ASAP1: variants seen among roughly 807,000 people sequenced by gnomAD.
ASAP1 encodes the protein ArfGAP with SH3 domain, ankyrin repeat and PH domain 1.
A neutral mutation model predicts 145.2 loss-of-function variants in ASAP1; 43 were observed. The observed-to-expected ratio is 0.30, with a 90% CI of 0.23 to 0.38. The LOEUF (loss-of-function observed/expected upper bound fraction) is 0.38, where lower values mean the gene tolerates loss of function less well. ASAP1 is among the 10% of genes least tolerant of loss of function. ASAP1 has a pLI of 1.00. For synonymous variants in ASAP1, 546 were observed against 515.5 expected (o/e 1.06, Z -0.80); for missense variants, 1,018 against 1,355.3 (o/e 0.75, Z 3.91).
intron 5 of ASAP1, among the ~76,000 whole-genome samples, chr8:130,197,668 T>C (rs1186418897): frequency 6.6e-6 from 1 of 152,210 alleles, no homozygotes; most frequent in Non-Finnish European, 1.5e-5. Context: ...CTGATAGCAG[T>C]AACTTAAGCA....
intron 25 of ASAP1, among the ~76,000 whole-genome samples, chr8:130,084,990 G>A (rs747884877): frequency 1.3e-5 from 2 of 152,174 alleles, no homozygotes; most frequent in Non-Finnish European, 2.9e-5. Context: ...CAAAGATGAG[G>A]AATGTAAGTG....
chr8:130,335,619 A>G (rs1221985573), intron 3 of ASAP1, among the ~76,000 whole-genome samples: 1 of 152,210 alleles, frequency 6.6e-6, no homozygotes, highest in African/African-American at 2.4e-5. Flanking sequence ...AAAGAGATGG[A>G]AAAAAAGAGT....
chr8:130,350,871 T>C (rs1243752697), intron 3 of ASAP1, among the ~76,000 whole-genome samples: 1 of 152,182 alleles, frequency 6.6e-6, no homozygotes, highest in Non-Finnish European at 1.5e-5. Context: ...CTGAGAGTAG[T>C]GGTTCTTTAG....
intron 24 of ASAP1, among the ~76,000 whole-genome samples, chr8:130,109,877 C>G (rs1341418967): frequency 2.0e-5 from 3 of 152,184 alleles, no homozygotes; most frequent in African/African-American, 4.8e-5. Flanking sequence ...CAGGCCAAAT[C>G]TCTGAATTTG....
chr8:130,118,624 T>C lies in ASAP1; in HGVS notation c.1659A>G (p.Ser553=), dbSNP rs1309548523. Residue 553 remains serine, a synonymous_variant, in exon 19 of 30, where the codon TCA becomes TCG. Coordinates refer to ENST00000518721, the MANE Select transcript of ASAP1 (RefSeq NM_018482.4). ...CTGATGAAGTTGAACAGGTCTTCCT[T>C]GAAAACCTATGATCTACATACTTTG... The part of the protein sequence containing the change: ...ITAKYVDHRF[S]RKTCSTSSAK... 3.7e-6 allele frequency: 6 copies of C among 1,613,916 alleles called. No individual in the cohort carries two copies. In the East Asian group the frequency reaches 1.3e-4, roughly 36 times the overall value.
At chr8:130,255,452 T>G (rs1819452102) in intron 3 of ASAP1, among the ~76,000 whole-genome samples, 1 of 152,216 alleles carries the variant, frequency 6.6e-6, no homozygotes, top group South Asian at 2.1e-4. Context: ...GCAAATAACC[T>G]TTGCATATTT....
intron 3 of ASAP1, among the ~76,000 whole-genome samples, chr8:130,256,753 A>ATATATATATATATATATATCCT (rs1586696608): frequency 3.0e-5 from 2 of 67,020 alleles, no homozygotes; most frequent in East Asian, 3.6e-4. Flanking sequence ...ATATATATAT[A>ATATATATATATATATATATCCT]TATATATATA....
chr8:130,223,135 CA>C (rs1817392772), intron 4 of ASAP1, among the ~76,000 whole-genome samples: 2 of 152,122 alleles, frequency 1.3e-5, no homozygotes, highest in Non-Finnish European at 2.9e-5. Context: ...TATAAAACCA[CA>C]AAGGATTATT....
At chr8:130,420,469 G>C (rs995598088) in intron 1 of ASAP1, among the ~76,000 whole-genome samples, 3 of 152,086 alleles carry the variant, frequency 2.0e-5, no homozygotes, top group African/African-American at 4.8e-5. Flanking sequence ...ACTTGTAAAT[G>C]AATGTTCATA....
chr8:130,254,080 T>C (rs2136895300), intron 3 of ASAP1, among the ~76,000 whole-genome samples: 1 of 152,282 alleles, frequency 6.6e-6, no homozygotes, highest in South Asian at 2.1e-4. Context: ...TAATTCAACA[T>C]GTATTTACTG....
At chr8:130,239,205 A>C (rs552604653) in intron 3 of ASAP1, among the ~76,000 whole-genome samples, 1 of 152,182 alleles carries the variant, frequency 6.6e-6, no homozygotes, top group South Asian at 2.1e-4. Context: ...GAGACATTTC[A>C]GGGAAGAGAT....
intron 1 of ASAP1, among the ~76,000 whole-genome samples, chr8:130,424,422 C>T (rs994101996): frequency 1.3e-5 from 2 of 152,228 alleles, no homozygotes; most frequent in African/African-American, 2.4e-5. Flanking sequence ...TTCCCAAGAG[C>T]CCTTCAGCAC....
intron 13 of ASAP1, among the ~76,000 whole-genome samples, chr8:130,144,334 T>A (rs1345224092): frequency 6.6e-6 from 1 of 152,226 alleles, no homozygotes; most frequent in Admixed American, 6.5e-5. Context: ...AGATACATTA[T>A]ATGAATTCTA....
chr8:130,185,763 A>G (rs1346152824), intron 7 of ASAP1, among the ~76,000 whole-genome samples: 2 of 151,544 alleles, frequency 1.3e-5, no homozygotes, highest in Non-Finnish European at 1.5e-5. Flanking sequence ...AAGAAAAAGA[A>G]AAAAAAAGAA....
chr8:130,433,511 G>C (rs1262664964), intron 1 of ASAP1, among the ~76,000 whole-genome samples: 1 of 152,208 alleles, frequency 6.6e-6, no homozygotes, highest in African/African-American at 2.4e-5. Flanking sequence ...ATGCTGTTGA[G>C]TGACACTGGT....
chr8:130,334,920 C>A (rs1824937653), intron 3 of ASAP1, among the ~76,000 whole-genome samples: 1 of 152,218 alleles, frequency 6.6e-6, no homozygotes, highest in South Asian at 2.1e-4. Context: ...TATCCAAATA[C>A]ATATCAGACC....
intron 9 of ASAP1, among the ~76,000 whole-genome samples, chr8:130,171,055 C>T (rs1262004084): frequency 6.6e-6 from 1 of 152,174 alleles, no homozygotes; most frequent in African/African-American, 2.4e-5. Context: ...TCGGCACTGC[C>T]TATAGCGATG....
chr8:130,373,103 AATACAT>A (rs1308131533), intron 2 of ASAP1, among the ~76,000 whole-genome samples: 19 of 73,488 alleles, frequency 2.6e-4, no homozygotes, highest in African/African-American at 1.1e-3. Flanking sequence ...CACACACAGA[AATACAT>A]ATACACACAC....
intron 2 of ASAP1, among the ~76,000 whole-genome samples, chr8:130,374,034 T>TAAAAAA (rs34199624): frequency 3.2e-5 from 3 of 94,398 alleles, no homozygotes; most frequent in Admixed American, 1.1e-4. Context: ...TAACTCCCTT[T>TAAAAAA]AAAAAAAAAA....
Sources: gnomAD v4.1 joint callset for allele counts (sites outside exome capture counted in the v4.1 genomes callset) on GRCh38, gnomAD v4.1.1 for gene constraint, MANE v1.5 for transcripts, NCBI Gene and HGNC (gene_info 2026-07-23, HGNC 2026-07-21) for gene names.